The following TCF4 variants were observed in gnomAD, a reference collection of about 807,000 sequenced individuals.
TCF4 encodes the protein transcription factor 4, also known as SL3-3 enhancer factor 2.
A neutral mutation model predicts 82.1 loss-of-function variants in TCF4; 3 were observed. The observed-to-expected ratio is 0.04, with a 90% confidence interval of 0.02 to 0.09. TCF4 has a LOEUF of 0.09. Among genes scored for constraint, TCF4 ranks in the 10% least tolerant of loss-of-function variants. The pLI is 1.00. For missense variants in TCF4, 518 were observed against 852.7 expected (o/e 0.61, Z 4.89); for synonymous variants, 276 against 309.6 (o/e 0.89, Z 1.14).
intron 2 of TCF4, among the ~76,000 whole-genome samples, chr18:55,606,773 GAAT>G (rs1411565324): frequency 2.6e-5 from 4 of 152,166 alleles, no homozygotes; most frequent in Non-Finnish European, 5.9e-5. Context: ...GGTGACAACT[GAAT>G]GACAATTGAA....
intron 3 of TCF4, among the ~76,000 whole-genome samples, chr18:55,530,340 G>A (rs2097046249): frequency 6.6e-6 from 1 of 152,164 alleles, no homozygotes; most frequent in South Asian, 2.1e-4. Context: ...ATTCAAGGCG[G>A]ATGAAAGAGT....
intron 2 of TCF4, among the ~76,000 whole-genome samples, chr18:55,608,396 A>G (rs1158731976): frequency 7.9e-6 from 1 of 127,264 alleles, no homozygotes; most frequent in Non-Finnish European, 1.6e-5. Flanking sequence ...TTTTTGCAAT[A>G]TGGGGCTTTA....
chr18:55,559,635 T>A (rs1261536175), intron 3 of TCF4, among the ~76,000 whole-genome samples: 1 of 19,430 alleles, frequency 5.1e-5, no homozygotes, highest in African/African-American at 1.8e-4. Context: ...TAGGGTTTTT[T>A]CTTTAAAAAA....
rs114944220 is a variant in TCF4 at position 55,557,593 on chromosome 18, C to T, written c.145+27687G>A. 2.7e-3 allele frequency among the ~76,000 whole-genome samples: 405 copies of T among 152,038 alleles called. 1 individual carries two copies. The highest frequency in any genetic ancestry group is 9.5e-3 in the African/African-American group (392 of 41,476). On this transcript the variant is annotated intron_variant, in intron 3 of 19. Coordinates refer to ENST00000354452, the MANE Select transcript of TCF4 (RefSeq NM_001083962.2). ...GAAAAAAAGAAAAAAATGTTCATAGCTGCTATCAATTTTTTTCTTGTTCAA... is the reference window on the plus strand; with the variant it reads ...GAAAAAAAGAAAAAAATGTTCATAGTTGCTATCAATTTTTTTCTTGTTCAA...
intron 4 of TCF4, among the ~76,000 whole-genome samples, chr18:55,463,611 G>C (rs553465819): frequency 2.0e-5 from 3 of 152,266 alleles, no homozygotes; most frequent in Non-Finnish European, 4.4e-5. Flanking sequence ...TCAGTACGTA[G>C]ATTATACTGG....
intron 3 of TCF4, among the ~76,000 whole-genome samples, chr18:55,474,779 G>A (rs1048052131): frequency 1.3e-5 from 2 of 151,220 alleles, no homozygotes; most frequent in Non-Finnish European, 3.0e-5. Context: ...TGTTTGTTTT[G>A]TTTGTTTGTT....
intron 8 of TCF4, among the ~76,000 whole-genome samples, chr18:55,284,847 G>A (rs1332622570): frequency 6.6e-6 from 1 of 152,184 alleles, no homozygotes; most frequent in Non-Finnish European, 1.5e-5. Context: ...ATCCTCAACT[G>A]TGACAGTTAA....
chr18:55,462,801 A>G (rs1266293924), intron 4 of TCF4, among the ~76,000 whole-genome samples: 3 of 152,156 alleles, frequency 2.0e-5, no homozygotes, highest in African/African-American at 7.2e-5. Flanking sequence ...GAGGAGGAGG[A>G]AAGATTTCCT....
chr18:55,560,279 T>G (rs2097343651), intron 3 of TCF4, among the ~76,000 whole-genome samples: 1 of 152,142 alleles, frequency 6.6e-6, no homozygotes, highest in African/African-American at 2.4e-5. Context: ...ATAAAAGAAT[T>G]CAAGTATTTG....
intron 2 of TCF4, among the ~76,000 whole-genome samples, chr18:55,617,382 T>G (rs1038775012): frequency 5.9e-5 from 9 of 152,166 alleles, no homozygotes; most frequent in Non-Finnish European, 2.9e-5. Context: ...CCTCCAACTT[T>G]GTTCTTTCTC....
At chr18:55,610,525 G>C (rs1181701051) in intron 2 of TCF4, among the ~76,000 whole-genome samples, 1 of 152,116 alleles carries the variant, frequency 6.6e-6, no homozygotes, top group Admixed American at 6.6e-5. Context: ...TGAAGTATTA[G>C]GGAGATTTCT....
At chr18:55,282,938 A>T (rs999131102) in intron 8 of TCF4, among the ~76,000 whole-genome samples, 1 of 151,960 alleles carries the variant, frequency 6.6e-6, no homozygotes, top group African/African-American at 2.4e-5. Context: ...CCGAATTGGA[A>T]ATGGAAAGAC....
chr18:55,383,574 C>T (rs888053222), intron 6 of TCF4, among the ~76,000 whole-genome samples: 1 of 152,186 alleles, frequency 6.6e-6, no homozygotes, highest in Non-Finnish European at 1.5e-5. Flanking sequence ...AATAATTAAA[C>T]ATTCAAATTC....
intron 8 of TCF4, among the ~76,000 whole-genome samples, chr18:55,309,195 C>G (rs2071395713): frequency 6.6e-6 from 1 of 152,046 alleles, no homozygotes; most frequent in African/African-American, 2.4e-5. Context: ...TTGCTGCAGC[C>G]TCAGCTTCCT....
At chr18:55,241,875 C>T (rs770445808) in intron 15 of TCF4, among the ~76,000 whole-genome samples, 6 of 152,242 alleles carry the variant, frequency 3.9e-5, no homozygotes, top group African/African-American at 4.8e-5. Flanking sequence ...CTGGCTCTTG[C>T]TTGCTGTATG....
chr18:55,331,682 G>T (rs1371894707), intron 8 of TCF4, among the ~76,000 whole-genome samples: 4 of 152,156 alleles, frequency 2.6e-5, no homozygotes, highest in African/African-American at 7.2e-5. Context: ...ATTTTCAATA[G>T]AGCTATATCT....
At chr18:55,299,477 G>C (rs1427161929) in intron 8 of TCF4, among the ~76,000 whole-genome samples, 1 of 147,430 alleles carries the variant, frequency 6.8e-6, no homozygotes, top group African/African-American at 2.5e-5. Context: ...TTTGGGTCTG[G>C]TTTGCTTGTT....
chr18:55,318,528 T>C (rs764908141), intron 8 of TCF4, among the ~76,000 whole-genome samples: 45 of 152,172 alleles, frequency 3.0e-4, no homozygotes, highest in Admixed American at 6.5e-5. Flanking sequence ...AATTATTTTA[T>C]CAAGTTCATG....
At chr18:55,517,065 TAA>T (rs1353746484) in intron 3 of TCF4, among the ~76,000 whole-genome samples, 2 of 152,164 alleles carry the variant, frequency 1.3e-5, no homozygotes, top group Non-Finnish European at 2.9e-5. Context: ...GTTGAATTCT[TAA>T]AAGTCAGAAC....
Sources: allele counts gnomAD v4.1 joint callset (sites outside exome capture counted in the v4.1 genomes callset), GRCh38; gene constraint gnomAD v4.1.1; transcripts MANE v1.5; gene names NCBI Gene and HGNC (gene_info 2026-07-23, HGNC 2026-07-21).